The following ROBO2 variants were observed in gnomAD, a reference collection of about 807,000 sequenced individuals.
ROBO2 encodes the protein roundabout guidance receptor 2, also known as roundabout homolog 2.
In ROBO2, 53 loss-of-function variants were observed where a neutral mutation model predicts 160.8. The ratio of observed to expected loss-of-function variants is 0.33; its 90% CI spans 0.26 to 0.41. The LOEUF (loss-of-function observed/expected upper bound fraction) is 0.41. Among genes scored for constraint, ROBO2 ranks in the 10% least tolerant of loss-of-function variants. The pLI, the probability that ROBO2 is intolerant of heterozygous loss-of-function variation, is 1.00. For missense variants in ROBO2, 1,577 were observed against 1,722.4 expected (o/e 0.92, Z 1.49); for synonymous variants, 664 against 611.7 (o/e 1.09, Z -1.26).
At chr3:76,699,580 G>A (rs960681686) in intron 2 of ROBO2, among the ~76,000 whole-genome samples, 1 of 152,156 alleles carries the variant, frequency 6.6e-6, no homozygotes, top group Non-Finnish European at 1.5e-5. Flanking sequence ...TGGAGGCAAT[G>A]TAATCTGAAG....
intron 2 of ROBO2, among the ~76,000 whole-genome samples, chr3:77,322,034 C>G (rs1361773998): frequency 2.0e-5 from 3 of 152,104 alleles, no homozygotes; most frequent in Non-Finnish European, 2.9e-5. Flanking sequence ...ATGGAGAGAG[C>G]TGAGGGAGAC....
intron 2 of ROBO2, among the ~76,000 whole-genome samples, chr3:76,351,188 C>T (rs1435295435): frequency 6.6e-6 from 1 of 151,816 alleles, no homozygotes; most frequent in East Asian, 1.9e-4. Context: ...TATCATTATG[C>T]CAACATCACA....
chr3:76,267,485 A>G (rs1488906824), intron 2 of ROBO2, among the ~76,000 whole-genome samples: 4 of 152,102 alleles, frequency 2.6e-5, no homozygotes, highest in African/African-American at 7.2e-5. Flanking sequence ...TGTTGTGTTC[A>G]TCTAATTGGT....
chr3:77,384,206 T>G (rs188775292), intron 2 of ROBO2, among the ~76,000 whole-genome samples: 1 of 152,280 alleles, frequency 6.6e-6, no homozygotes, highest in Non-Finnish European at 1.5e-5. Context: ...AATCTAAATG[T>G]ATGCCAACCG....
rs2081309421 is a variant in ROBO2 at position 77,453,385 on chromosome 3, T to C, written c.389-24029T>C. Among the ~76,000 whole-genome samples the C allele has an allele frequency of 2.0e-5, 3 of 152,182 alleles. No homozygotes were observed. In the South Asian group the frequency reaches 6.2e-4, roughly 32 times the overall value. Reference sequence around the variant, plus strand: ...TCACAATTTTAAAGCCTTTTTTTTTTTCACTTCAATCTCAATGGCTAGTCA... The same window carrying C: ...TCACAATTTTAAAGCCTTTTTTTTTCTCACTTCAATCTCAATGGCTAGTCA... On this transcript the variant is annotated intron_variant, in intron 2 of 25. Coordinates refer to ENST00000461745, the Ensembl canonical transcript of ROBO2.
intron 2 of ROBO2, among the ~76,000 whole-genome samples, chr3:76,681,221 A>C (rs2092553719): frequency 6.6e-6 from 1 of 152,220 alleles, no homozygotes; most frequent in Admixed American, 6.5e-5. Flanking sequence ...AAATGATTAG[A>C]GAAAGAGAAC....
At chr3:76,233,010 T>A (rs968795652) in intron 2 of ROBO2, among the ~76,000 whole-genome samples, 1 of 152,204 alleles carries the variant, frequency 6.6e-6, no homozygotes, top group African/African-American at 2.4e-5. Flanking sequence ...TAAACCTTCT[T>A]GAAAATTTTG....
chr3:76,196,271 G>T (rs1702257210), intron 2 of ROBO2, among the ~76,000 whole-genome samples: 1 of 152,028 alleles, frequency 6.6e-6, no homozygotes, highest in Admixed American at 6.6e-5. Flanking sequence ...TTGAATTCTT[G>T]GTATTTACCT....
intron 2 of ROBO2, among the ~76,000 whole-genome samples, chr3:76,386,924 G>C (rs2076919380): frequency 6.6e-6 from 1 of 152,118 alleles, no homozygotes; most frequent in Non-Finnish European, 1.5e-5. Flanking sequence ...TAAGACAAAA[G>C]ATACCTTAAA....
intron 2 of ROBO2, among the ~76,000 whole-genome samples, chr3:76,329,305 A>G (rs2073299665): frequency 1.3e-5 from 2 of 152,138 alleles, no homozygotes; most frequent in South Asian, 2.1e-4. Flanking sequence ...TGCAACCTCC[A>G]CCTGCTGGGT....
At chr3:77,171,197 A>G (rs2079599551) in intron 2 of ROBO2, among the ~76,000 whole-genome samples, 1 of 152,178 alleles carries the variant, frequency 6.6e-6, no homozygotes, top group Non-Finnish European at 1.5e-5. Flanking sequence ...CTGCACTGGC[A>G]TATACACTAG....
In ROBO2 at chr3:77,632,580, C is replaced by T. The variant is rs1312881974; in HGVS notation, c.3761-2290C>T. The T allele has an allele frequency of 2.6e-6, 4 of 1,535,756 alleles. No individual in the cohort carries two copies. The East Asian group carries it at 9.8e-5, about 38-fold the overall frequency. On this transcript the variant is annotated intron_variant, in intron 23 of 25. Coordinates refer to ENST00000461745, the Ensembl canonical transcript of ROBO2. ...CAGATGGCTCTATCTTTGCCAGCGG[C>T]AGTTTTGCACAAGCACTGGTGGCAG...
intron 2 of ROBO2, among the ~76,000 whole-genome samples, chr3:76,246,334 T>G (rs752005715): frequency 6.6e-6 from 1 of 152,152 alleles, no homozygotes; most frequent in Non-Finnish European, 1.5e-5. Context: ...TTCAATTGTA[T>G]CATTTCTTGT....
chr3:76,410,202 G>T (rs1438961674), intron 2 of ROBO2, among the ~76,000 whole-genome samples: 1 of 151,944 alleles, frequency 6.6e-6, no homozygotes, highest in Non-Finnish European at 1.5e-5. Context: ...AGGCCCTAAG[G>T]GTTTAGCATC....
intron 2 of ROBO2, among the ~76,000 whole-genome samples, chr3:76,634,953 G>C (rs1383160845): frequency 6.6e-6 from 1 of 152,174 alleles, no homozygotes; most frequent in African/African-American, 2.4e-5. Flanking sequence ...AGGGATCTAG[G>C]TTGCACACTC....
At chr3:76,673,299 G>A (rs1166855934) in intron 2 of ROBO2, among the ~76,000 whole-genome samples, 1 of 152,122 alleles carries the variant, frequency 6.6e-6, no homozygotes, top group Non-Finnish European at 1.5e-5. Flanking sequence ...ACTTCATTGA[G>A]ATCGGAAACA....
chr3:77,611,351 T>C (rs2094638284), intron 21 of ROBO2, among the ~76,000 whole-genome samples: 1 of 151,950 alleles, frequency 6.6e-6, no homozygotes, highest in Non-Finnish European at 1.5e-5. Flanking sequence ...AGAAGACGTT[T>C]TGAAGCCAAT....
chr3:76,046,926 C>T (rs921521817), intron 2 of ROBO2, among the ~76,000 whole-genome samples: 1 of 152,158 alleles, frequency 6.6e-6, no homozygotes, highest in Non-Finnish European at 1.5e-5. Flanking sequence ...GTCAAAGTAT[C>T]CATTTGTTCA....
chr3:77,239,951 T>C (rs1023012751), intron 2 of ROBO2, among the ~76,000 whole-genome samples: 3 of 152,156 alleles, frequency 2.0e-5, no homozygotes, highest in Non-Finnish European at 4.4e-5. Flanking sequence ...AGAGTGCTGA[T>C]TGGTGCATAT....
Sources: allele counts gnomAD v4.1 joint callset (sites outside exome capture counted in the v4.1 genomes callset), GRCh38; gene constraint gnomAD v4.1.1; transcripts MANE v1.5; gene names NCBI Gene and HGNC (gene_info 2026-07-23, HGNC 2026-07-21).